Variants in WDR64 observed in about 807,000 individuals in gnomAD.
The protein encoded by WDR64 is WD repeat-containing protein 64.
In WDR64, 112 loss-of-function variants were observed where a neutral mutation model predicts 139.3. That is an observed-to-expected ratio of 0.80 (90% CI 0.69 to 0.94). The LOEUF (loss-of-function observed/expected upper bound fraction) is 0.94. Ranked by LOEUF, WDR64 falls within the 40% of genes least tolerant of loss-of-function variation. The pLI is 0.00. For synonymous variants in WDR64, 444 were observed against 437.7 expected (o/e 1.01, Z -0.18); for missense variants, 1,206 against 1,293.1 (o/e 0.93, Z 1.03).
At chr1:241,793,124 A>G (rs1558527525) in intron 25 of WDR64, among the ~76,000 whole-genome samples, 1 of 152,264 alleles carries the variant, frequency 6.6e-6, no homozygotes, top group Admixed American at 6.5e-5. Context: ...ACAATTTTGC[A>G]TAAGTATATC....
At chr1:241,655,947 T>C (rs992404204) in intron 1 of WDR64, among the ~76,000 whole-genome samples, 2 of 152,188 alleles carry the variant, frequency 1.3e-5, no homozygotes, top group Non-Finnish European at 2.9e-5. Context: ...TTTGAAGGCT[T>C]TGTGAACCTC....
intron 12 of WDR64, among the ~76,000 whole-genome samples, 189 bp from the exon 13 acceptor site, chr1:241,744,204 G>T (rs1388754005): frequency 1.3e-5 from 2 of 152,186 alleles, no homozygotes; most frequent in Non-Finnish European, 2.9e-5. Context: ...AGCAGACACA[G>T]TAACTATTAA....
chr1:241,708,989 G>A (rs936625252), intron 8 of WDR64, among the ~76,000 whole-genome samples: 2 of 152,072 alleles, frequency 1.3e-5, no homozygotes, highest in African/African-American at 4.8e-5. Flanking sequence ...ATTTACTTTA[G>A]GCTTAAGGAA....
At chr1:241,728,977 TG>T (rs1668967686) in intron 10 of WDR64, among the ~76,000 whole-genome samples, 3 of 152,218 alleles carry the variant, frequency 2.0e-5, no homozygotes, top group African/African-American at 7.2e-5. Flanking sequence ...ATTGTGAGTG[TG>T]CATATCTTCA....
chr1:241,770,946 C>T (rs1252126966), intron 18 of WDR64, among the ~76,000 whole-genome samples: 1 of 151,940 alleles, frequency 6.6e-6, no homozygotes, highest in Non-Finnish European at 1.5e-5. Context: ...AATATACAAT[C>T]ACAAATAAAA....
intron 14 of WDR64, among the ~76,000 whole-genome samples, chr1:241,752,054 C>T (rs906611205): frequency 1.2e-4 from 18 of 152,088 alleles, no homozygotes; most frequent in South Asian, 2.1e-4. Context: ...TTCTAAAGAC[C>T]CACTTACTTC....
intron 12 of WDR64, among the ~76,000 whole-genome samples, chr1:241,743,846 C>T (rs1669646826): frequency 6.6e-6 from 1 of 152,156 alleles, no homozygotes; most frequent in African/African-American, 2.4e-5. Context: ...GTCTCTTTCT[C>T]TCTGTCTCTC....
intron 1 of WDR64, among the ~76,000 whole-genome samples, chr1:241,654,720 C>G (rs1665511785): frequency 6.6e-6 from 1 of 152,134 alleles, no homozygotes; most frequent in South Asian, 2.1e-4. Context: ...ATCTAAAATG[C>G]TCCAAAATTC....
rs1283360067 is a variant in WDR64, at chr1:241,738,412, A to C, written c.1244A>C (p.His415Pro). Residue 415 changes from histidine (H) to proline (P), a missense_variant, in exon 11 of 28, where the codon CAT becomes CCT. By Grantham distance (77) the His-to-Pro change is moderately conservative. Transcript: ENST00000437684. Reference protein sequence around the residue: ...IQTLSLLQVFHDSQGGPGDMQ... With the variant: ...IQTLSLLQVFPDSQGGPGDMQ... ...ACTCTTTCACTATTACAAGTCTTCCATGACAGCCAGGGAGGACCAGGAGAC... is the reference window on the plus strand; with the variant it reads ...ACTCTTTCACTATTACAAGTCTTCCCTGACAGCCAGGGAGGACCAGGAGAC... 3 of 1,613,932 alleles carry C rather than the reference A, an allele frequency of 1.9e-6. No individual in the cohort carries two copies. Among genetic ancestry groups the C allele is most frequent in the Admixed American group, 1.7e-5 (1 of 60,012 alleles).
intron 15 of WDR64, among the ~76,000 whole-genome samples, chr1:241,761,109 C>T (rs1359180358): frequency 1.3e-5 from 2 of 152,090 alleles, no homozygotes; most frequent in East Asian, 1.9e-4. Flanking sequence ...CACAGCCTTG[C>T]CAGCAGTGTA....
intron 26 of WDR64, among the ~76,000 whole-genome samples, chr1:241,795,519 T>C (rs1434588035): frequency 2.6e-5 from 4 of 152,360 alleles, no homozygotes; most frequent in Non-Finnish European, 5.9e-5. Context: ...CGTTACTCTG[T>C]TGGCTTGTCA....
At chr1:241,695,528 T>C (rs1190513998) in intron 8 of WDR64, among the ~76,000 whole-genome samples, 18 of 152,068 alleles carry the variant, frequency 1.2e-4, no homozygotes, top group Admixed American at 1.2e-3. Context: ...ATATCAAAGA[T>C]CAGTTGAATG....
intron 2 of WDR64, among the ~76,000 whole-genome samples, chr1:241,663,876 C>T (rs1665927505): frequency 6.6e-6 from 1 of 152,210 alleles, no homozygotes; most frequent in African/African-American, 2.4e-5. Context: ...GGCCCCTTGG[C>T]CTGGGCCTAA....
At chr1:241,661,968 G>C (rs1401690843) in intron 2 of WDR64, among the ~76,000 whole-genome samples, 1 of 152,108 alleles carries the variant, frequency 6.6e-6, no homozygotes, top group Non-Finnish European at 1.5e-5. Context: ...TGGCCTGCAG[G>C]CCTAAAATAT....
At chr1:241,698,499 G>A (rs1421626500) in intron 8 of WDR64, among the ~76,000 whole-genome samples, 3 of 152,074 alleles carry the variant, frequency 2.0e-5, no homozygotes, top group African/African-American at 4.8e-5. Flanking sequence ...ACTTTTCACA[G>A]TTCTCTGTCC....
chr1:241,757,660 T>G (rs1670253702), intron 15 of WDR64, among the ~76,000 whole-genome samples: 1 of 146,578 alleles, frequency 6.8e-6, no homozygotes, highest in African/African-American at 2.5e-5. Flanking sequence ...TTTTTTTTTT[T>G]TTTTTTTTTT....
intron 21 of WDR64, 60 bp from the exon 22 acceptor site, chr1:241,779,944 A>G (rs1465785691): frequency 3.1e-6 from 4 of 1,284,724 alleles, no homozygotes; most frequent in Non-Finnish European, 4.3e-6. Flanking sequence ...ACTTTTGGAT[A>G]GTATTGATTT....
Position 241,783,348 on chromosome 1 carries a change from T to TG in WDR64, c.2674dup (p.Val892GlyfsTer31). The TG allele has an allele frequency of 6.2e-7, 1 of 1,614,058 alleles. No individual in the cohort carries two copies. Among genetic ancestry groups the TG allele is most frequent in the African/African-American group, 1.3e-5 (1 of 75,060 alleles). On this transcript the variant is annotated frameshift_variant, in exon 23 of 28. Transcript: ENST00000437684. LOFTEE classifies it high-confidence loss of function. ...GTAATCTATGTAGAAGAAAAACAAG[T>TG]GGTACTTACTGCCTCCATCGATGGC... is the stretch of plus-strand genomic sequence containing the variant.
At chr1:241,760,684 G>A (rs1449078253) in intron 15 of WDR64, among the ~76,000 whole-genome samples, 1 of 146,936 alleles carries the variant, frequency 6.8e-6, no homozygotes, top group East Asian at 2.0e-4. Context: ...TAAGATAAAT[G>A]CAAATTAAAG....
Sources: allele counts gnomAD v4.1 joint callset (sites outside exome capture counted in the v4.1 genomes callset), GRCh38; gene constraint gnomAD v4.1.1; transcripts MANE v1.5; gene names NCBI Gene and HGNC (gene_info 2026-07-23, HGNC 2026-07-21).